Variants in PDS5B observed in about 807,000 individuals in gnomAD.
PDS5B encodes PDS5 cohesin associated factor B.
PDS5B carries 51 observed loss-of-function variants against 184.1 expected under a neutral mutation model. The ratio of observed to expected loss-of-function variants is 0.28; its 90% CI spans 0.22 to 0.35. The LOEUF (loss-of-function observed/expected upper bound fraction) is 0.35. Among genes scored for constraint, PDS5B ranks in the 10% least tolerant of loss-of-function variants. PDS5B has a pLI of 1.00. For synonymous variants in PDS5B, 566 were observed against 569.2 expected, an observed-to-expected ratio of 0.99 and a Z score of 0.08; for missense variants, 1,180 against 1,723.3, an observed-to-expected ratio of 0.68 and a Z score of 5.58.
At chr13:32,742,339 C>CA (rs1398176307) in intron 22 of PDS5B, among the ~76,000 whole-genome samples, 1 of 152,090 alleles carries the variant, frequency 6.6e-6, no homozygotes, top group African/African-American at 2.4e-5. Context: ...TCTACAGGAT[C>CA]AAATATATGT....
Position 32,613,133 on chromosome 13 carries a change from T to A in PDS5B, c.-20+26540T>A, listed in dbSNP as rs1234056876. ...ATTTTATGGCTGTATTACATTTTGC[T>A]TATCAGTTTGATGAGCATTTGGGTT... On this transcript the variant is annotated intron_variant, in intron 1 of 34. Coordinates refer to ENST00000315596, the MANE Select transcript of PDS5B (RefSeq NM_015032.4). Among the ~76,000 whole-genome samples the A allele has an allele frequency of 2.0e-5, 3 of 152,252 alleles. No individual in the cohort carries two copies. In the East Asian group the frequency reaches 5.8e-4, roughly 29 times the overall value.
chr13:32,773,513 G>A (rs1287287130), intron 34 of PDS5B, among the ~76,000 whole-genome samples, 189 bp downstream of exon 34: 1 of 152,162 alleles, frequency 6.6e-6, no homozygotes, highest in Non-Finnish European at 1.5e-5. Context: ...AATAGGTGTA[G>A]CTTAATGAGA....
At chr13:32,624,203 A>G (rs1336240070) in intron 1 of PDS5B, among the ~76,000 whole-genome samples, 1 of 152,052 alleles carries the variant, frequency 6.6e-6, no homozygotes, top group East Asian at 1.9e-4. Flanking sequence ...CCCCCAAATT[A>G]TACATGCTAT....
At chr13:32,684,092 ATATATT>A (rs768662694) in intron 11 of PDS5B, 69 bp downstream of exon 11, 158 of 700,984 alleles carry the variant, frequency 2.3e-4, no homozygotes, top group Non-Finnish European at 3.0e-4. Flanking sequence ...ATATTTGAAA[ATATATT>A]TAAATATACA....
At chr13:32,734,288 A>G (rs756853952) in intron 20 of PDS5B, among the ~76,000 whole-genome samples, 8 of 152,138 alleles carry the variant, frequency 5.3e-5, no homozygotes, top group East Asian at 1.9e-4. Flanking sequence ...TGGCCTCCCA[A>G]AGTGCTGGGA....
At chr13:32,733,771 G>A (rs1380346988) in intron 20 of PDS5B, among the ~76,000 whole-genome samples, 1 of 152,154 alleles carries the variant, frequency 6.6e-6, no homozygotes, top group African/African-American at 2.4e-5. Flanking sequence ...CCCCACCCAT[G>A]TATCCCCAGC....
At chr13:32,760,534 G>C in intron 29 of PDS5B, 41 bp from the exon 30 acceptor site, 1 of 1,597,642 alleles carries the variant, frequency 6.3e-7, no homozygotes, top group Middle Eastern at 1.7e-4. Context: ...CTTTCTTTTG[G>C]CTTTAACCAA....
intron 19 of PDS5B, among the ~76,000 whole-genome samples, chr13:32,711,648 G>A (rs1464015088): frequency 1.3e-5 from 2 of 152,160 alleles, no homozygotes; most frequent in Admixed American, 1.3e-4. Flanking sequence ...ATGAACCACC[G>A]CGCCTGGCCT....
rs1464316839 is a variant in PDS5B, at chr13:32,659,646, A to C, written c.624+366A>C. ...TAATGTAGATAGAGAGGACTGGTGA[A>C]ATTTAAAGGGAAGTCTCTACTAAAT... On this transcript the variant is annotated intron_variant, in intron 6 of 34. Coordinates refer to ENST00000315596, the MANE Select transcript of PDS5B (RefSeq NM_015032.4). Among the ~76,000 whole-genome samples, 3 of 152,270 alleles carry C rather than the reference A, an allele frequency of 2.0e-5. No homozygotes were observed. In the East Asian group the frequency reaches 5.8e-4, roughly 29 times the overall value.
Position 32,600,131 on chromosome 13 carries a change from A to G in PDS5B, c.-20+13538A>G, listed in dbSNP as rs944657486. On this transcript the variant is annotated intron_variant, in intron 1 of 34. Transcript: ENST00000315596. ...TACAGTATTTTGTTTAAAAAATTCC[A>G]TTTATCTGCCAAGATTCCCCATTGT... 2.6e-5 allele frequency among the ~76,000 whole-genome samples: 4 copies of G among 152,252 alleles called. No homozygotes were observed. The South Asian group carries it at 8.3e-4, about 32-fold the overall frequency.
intron 16 of PDS5B, chr13:32,701,041 A>G (rs1187908648): frequency 5.1e-6 from 1 of 196,816 alleles, no homozygotes; most frequent in African/African-American, 2.3e-5. Flanking sequence ...TTGATGTAAT[A>G]TATGAGACAG....
At chr13:32,624,115 G>A (rs190251178) in intron 1 of PDS5B, among the ~76,000 whole-genome samples, 2 of 152,076 alleles carry the variant, frequency 1.3e-5, no homozygotes, top group African/African-American at 4.8e-5. Context: ...TGACACAAAG[G>A]CCCTTTTACC....
chr13:32,601,795 G>A (rs534739651), intron 1 of PDS5B, among the ~76,000 whole-genome samples: 22 of 152,314 alleles, frequency 1.4e-4, no homozygotes, highest in African/African-American at 5.3e-4. Context: ...CTTTAGCTAA[G>A]CAGATTAAAG....
intron 13 of PDS5B, among the ~76,000 whole-genome samples, chr13:32,693,462 AAG>A (rs1475027059): frequency 2.0e-4 from 30 of 151,798 alleles, no homozygotes; most frequent in Admixed American, 4.6e-4. Flanking sequence ...TTAAAAGAAA[AAG>A]AGTTTCTTAT....
At chr13:32,730,663 T>C (rs994330484) in intron 19 of PDS5B, among the ~76,000 whole-genome samples, 1 of 152,174 alleles carries the variant, frequency 6.6e-6, no homozygotes, top group African/African-American at 2.4e-5. Flanking sequence ...GTCCTTCCCA[T>C]CCCTTGTAAG....
At chr13:32,685,915 C>T (rs893517963) in intron 11 of PDS5B, among the ~76,000 whole-genome samples, 5 of 152,130 alleles carry the variant, frequency 3.3e-5, no homozygotes, top group African/African-American at 4.8e-5. Context: ...GTTAGGATTA[C>T]AAGCATGAGC....
At chr13:32,597,830 C>T (rs933658138) in intron 1 of PDS5B, among the ~76,000 whole-genome samples, 1 of 147,552 alleles carries the variant, frequency 6.8e-6, no homozygotes, top group Non-Finnish European at 1.5e-5. Context: ...CTGGCGACAG[C>T]GAGACTCTGT....
chr13:32,635,959 C>T (rs557961668), intron 1 of PDS5B, among the ~76,000 whole-genome samples: 37 of 150,242 alleles, frequency 2.5e-4, no homozygotes, highest in Admixed American at 5.3e-4. Context: ...TTAGTAGAGA[C>T]GGGGTTTCAC....
intron 1 of PDS5B, among the ~76,000 whole-genome samples, chr13:32,609,857 A>T (rs1334557872): frequency 6.6e-6 from 1 of 151,820 alleles, no homozygotes; most frequent in Non-Finnish European, 1.5e-5. Flanking sequence ...GGGAACTGAG[A>T]TCTCTAGCAG....
Sources: allele counts gnomAD v4.1 joint callset (sites outside exome capture counted in the v4.1 genomes callset), GRCh38; gene constraint gnomAD v4.1.1; transcripts MANE v1.5; gene names NCBI Gene and HGNC (gene_info 2026-07-23, HGNC 2026-07-21).